ADAM23: variants seen among roughly 807,000 people sequenced by gnomAD.
The protein encoded by ADAM23 is ADAM metallopeptidase domain 23, also known as disintegrin and metalloproteinase domain-containing protein 23.
ADAM23 carries 33 observed loss-of-function variants against 120.1 expected under a neutral mutation model. The ratio of observed to expected loss-of-function variants is 0.27; its 90% confidence interval spans 0.21 to 0.37. ADAM23 has a LOEUF of 0.37. Ranked by LOEUF, ADAM23 falls within the 10% of genes least tolerant of loss-of-function variation. The pLI is 1.00. For synonymous variants in ADAM23, 367 were observed against 375.2 expected, an observed-to-expected ratio of 0.98 and a Z score of 0.25; for missense variants, 862 against 1,058.2, an observed-to-expected ratio of 0.81 and a Z score of 2.57.
intron 12 of ADAM23, 86 bp from the exon 13 acceptor site, chr2:206,562,117 A>G (rs1697780118): frequency 8.8e-7 from 1 of 1,136,852 alleles, no homozygotes; most frequent in African/African-American, 1.5e-5. Flanking sequence ...GGAACTGAGA[A>G]GATTTGTGGT....
chr2:206,548,151 G>A, intron 7 of ADAM23, 130 bp from the exon 8 acceptor site: 3 of 727,750 alleles, frequency 4.1e-6, no homozygotes, highest in Non-Finnish European at 4.5e-6. Flanking sequence ...AATATATAAT[G>A]ATCAGTGTGC....
At chr2:206,533,028 A>C (rs1366929132) in intron 4 of ADAM23, among the ~76,000 whole-genome samples, 2 of 152,084 alleles carry the variant, frequency 1.3e-5, no homozygotes, top group Non-Finnish European at 2.9e-5. Context: ...TTACATATAT[A>C]TATATATTTT....
chr2:206,495,430 CTT>C lies in ADAM23; in HGVS notation c.509+14124_509+14125del, dbSNP rs1247744081. 2.6e-5 allele frequency among the ~76,000 whole-genome samples: 4 copies of C among 152,256 alleles called. No individual in the cohort carries two copies. In the East Asian group the frequency reaches 7.7e-4, roughly 29 times the overall value. On this transcript the variant is annotated intron_variant, in intron 3 of 25. Coordinates refer to ENST00000264377, the MANE Select transcript of ADAM23 (RefSeq NM_003812.4). ...TCATAAGTGAAGGAGAAATAAAATCCTTTACAGACAAGCAAATGCTGAGAGAT... is the reference window on the plus strand; with the variant it reads ...TCATAAGTGAAGGAGAAATAAAATCCTACAGACAAGCAAATGCTGAGAGAT...
intron 19 of ADAM23, 71 bp from the exon 20 acceptor site, chr2:206,588,020 G>A: frequency 1.3e-6 from 2 of 1,504,870 alleles, no homozygotes; most frequent in Non-Finnish European, 1.8e-6. Context: ...ACCAGAAGGA[G>A]ACATTGTAGT....
intron 2 of ADAM23, among the ~76,000 whole-genome samples, chr2:206,477,880 TAAAAAAA>T (rs71034456): frequency 5.5e-5 from 6 of 109,164 alleles, no homozygotes; most frequent in Non-Finnish European, 8.7e-5. Context: ...AATATTCTGT[TAAAAAAA>T]AAAAAAAAAA....
chr2:206,587,428 T>G (rs1574551013), intron 19 of ADAM23, 53 bp downstream of exon 19: 2 of 39,150 alleles, frequency 5.1e-5, no homozygotes, highest in East Asian at 3.9e-4. Context: ...CATTGGAAAG[T>G]TTTTTTTTCC....
intron 2 of ADAM23, among the ~76,000 whole-genome samples, chr2:206,457,225 A>G (rs1480570970): frequency 1.3e-5 from 2 of 152,208 alleles, no homozygotes; most frequent in African/African-American, 2.4e-5. Flanking sequence ...TTTCATATCT[A>G]TAATCTCACA....
intron 14 of ADAM23, among the ~76,000 whole-genome samples, chr2:206,566,998 G>A (rs1385456757): frequency 3.3e-5 from 5 of 152,294 alleles, no homozygotes; most frequent in South Asian, 4.1e-4. Context: ...TGCTGAGGAG[G>A]TTGTAATGTA....
intron 2 of ADAM23, among the ~76,000 whole-genome samples, chr2:206,469,075 A>G (rs957072810): frequency 3.9e-5 from 6 of 152,244 alleles, no homozygotes; most frequent in African/African-American, 1.4e-4. Flanking sequence ...CCTCATGATC[A>G]CCTCCTACTA....
At chr2:206,610,645 GT>G (rs1250344154) in intron 25 of ADAM23, among the ~76,000 whole-genome samples, 1 of 152,186 alleles carries the variant, frequency 6.6e-6, no homozygotes, top group Non-Finnish European at 1.5e-5. Context: ...TGTTTTCATA[GT>G]GACCTTTTAG....
At chr2:206,578,912 T>A (rs1048268985) in intron 18 of ADAM23, among the ~76,000 whole-genome samples, 3 of 152,158 alleles carry the variant, frequency 2.0e-5, no homozygotes, top group Non-Finnish European at 4.4e-5. Flanking sequence ...ACTGTTTTTT[T>A]ATTTTTTTAT....
intron 3 of ADAM23, among the ~76,000 whole-genome samples, chr2:206,502,201 T>G (rs928059230): frequency 6.6e-6 from 1 of 152,152 alleles, no homozygotes; most frequent in African/African-American, 2.4e-5. Flanking sequence ...CAAATGCGAT[T>G]GAAAACAGGG....
chr2:206,557,317 T>G, intron 9 of ADAM23, 110 bp from the exon 10 acceptor site: 1 of 922,440 alleles, frequency 1.1e-6, no homozygotes, highest in South Asian at 1.4e-5. Context: ...AAATTATATA[T>G]TTTTAAATCC....
At chr2:206,602,848 A>T (rs1289136172) in intron 24 of ADAM23, among the ~76,000 whole-genome samples, 1 of 152,200 alleles carries the variant, frequency 6.6e-6, no homozygotes, top group Admixed American at 6.5e-5. Context: ...GGTAGCAGGG[A>T]CCAAGACTGA....
chr2:206,477,891 A>ATAT (rs1229595648), intron 2 of ADAM23, among the ~76,000 whole-genome samples: 207 of 94,366 alleles, frequency 2.2e-3, no homozygotes, highest in South Asian at 7.5e-3. Flanking sequence ...AAAAAAAAAA[A>ATAT]AAAAAAATAT....
chr2:206,605,327 T>C (rs1217865310), intron 24 of ADAM23, among the ~76,000 whole-genome samples: 2 of 152,256 alleles, frequency 1.3e-5, no homozygotes, highest in African/African-American at 4.8e-5. Context: ...TATTCTGTCT[T>C]GAATTTGTAA....
intron 25 of ADAM23, among the ~76,000 whole-genome samples, chr2:206,613,754 A>G (rs2105867585): frequency 6.6e-6 from 1 of 152,324 alleles, no homozygotes; most frequent in Middle Eastern, 3.4e-3. Context: ...AAAGCTTAGG[A>G]AAGGTGAAAA....
chr2:206,533,397 G>T (rs1256057207), intron 4 of ADAM23, among the ~76,000 whole-genome samples: 2 of 152,072 alleles, frequency 1.3e-5, no homozygotes, highest in African/African-American at 4.8e-5. Context: ...TAGAGACGGG[G>T]TTTCACCATG....
chr2:206,552,067 A>AT (rs34809030), intron 9 of ADAM23, among the ~76,000 whole-genome samples: 5 of 151,846 alleles, frequency 3.3e-5, no homozygotes, highest in Non-Finnish European at 5.9e-5. Flanking sequence ...GAACATTGAG[A>AT]TTTTTTTTCC....
Sources: allele counts gnomAD v4.1 joint callset (sites outside exome capture counted in the v4.1 genomes callset), GRCh38; gene constraint gnomAD v4.1.1; transcripts MANE v1.5; gene names NCBI Gene and HGNC (gene_info 2026-07-23, HGNC 2026-07-21).